The following ARPC1A variants were observed in gnomAD, a reference collection of about 807,000 sequenced individuals.
ARPC1A encodes actin-related protein 2/3 complex subunit 1A.
ARPC1A carries 8 observed loss-of-function variants against 46.9 expected under a neutral mutation model. The observed-to-expected ratio is 0.17, with a 90% CI of 0.10 to 0.31. ARPC1A has a LOEUF of 0.31. Among genes scored for constraint, ARPC1A ranks in the 10% least tolerant of loss-of-function variants. The pLI, the probability that ARPC1A is intolerant of heterozygous loss-of-function variation, is 1.00. For missense variants in ARPC1A, 286 were observed against 483.6 expected (o/e 0.59, Z 3.83); for synonymous variants, 152 against 169.0 (o/e 0.90, Z 0.78).
chr7:99,340,440 G>A (rs1793338766), intron 3 of ARPC1A, among the ~76,000 whole-genome samples: 1 of 145,854 alleles, frequency 6.9e-6, no homozygotes. Flanking sequence ...TGAGATTACA[G>A]GTGTGACCCT....
intron 4 of ARPC1A, among the ~76,000 whole-genome samples, chr7:99,348,269 G>A (rs1413560137): frequency 6.6e-6 from 1 of 152,146 alleles, no homozygotes; most frequent in East Asian, 1.9e-4. Flanking sequence ...TATGTAATCC[G>A]AAATCTCACG....
intron 3 of ARPC1A, among the ~76,000 whole-genome samples, chr7:99,341,753 T>C (rs1467667802): frequency 1.3e-5 from 2 of 152,134 alleles, no homozygotes; most frequent in Non-Finnish European, 2.9e-5. Flanking sequence ...TCTACTTCTC[T>C]TTTGGGGTCC....
intron 1 of ARPC1A, among the ~76,000 whole-genome samples, chr7:99,329,280 G>A (rs1218576233): frequency 2.0e-5 from 3 of 149,854 alleles, no homozygotes; most frequent in Non-Finnish European, 4.4e-5. Context: ...CAGCCTGGGC[G>A]ACAGAGCGAG....
At chr7:99,350,631 CTTTTTTTTTT>C (rs540737612) in intron 5 of ARPC1A, among the ~76,000 whole-genome samples, 8 of 67,536 alleles carry the variant, frequency 1.2e-4, no homozygotes, top group African/African-American at 3.5e-4. Flanking sequence ...ATGAGGTGCA[CTTTTTTTTTT>C]TTTTTTTTTT....
chr7:99,350,527 G>C (rs1460384725), intron 5 of ARPC1A, among the ~76,000 whole-genome samples: 1 of 147,416 alleles, frequency 6.8e-6, no homozygotes, highest in African/African-American at 2.5e-5. Context: ...TTTTAAAGTT[G>C]TTCTTTCTCA....
chr7:99,365,588 TGG>T (rs1793822969), intron 9 of ARPC1A, among the ~76,000 whole-genome samples: 1 of 149,736 alleles, frequency 6.7e-6, no homozygotes, highest in Non-Finnish European at 1.5e-5. Flanking sequence ...CACTCCAGCC[TGG>T]GGCAACAGAG....
chr7:99,359,585 G>A lies in ARPC1A; in HGVS notation c.830G>A (p.Arg277His), dbSNP rs200959894. The change falls in exon 8 of 10, where the codon CGC (arginine) becomes CAC (histidine). Residue 277 changes from arginine (R) to histidine (H), a missense_variant. Transcript: ENST00000262942. ...CCPMLFNYDD[R>H]GCLTFVSKLD... ...CCAATGCTCTTTAACTACGATGACC[G>A]CGGCTGCCTGACCTTCGTCTCCAAG... The A allele has an allele frequency of 3.0e-5, 49 of 1,614,140 alleles. No homozygotes were observed. The Middle Eastern group carries it at 5.0e-4, about 16-fold the overall frequency.
chr7:99,362,336 C>CTTTT (rs771655890), intron 8 of ARPC1A, among the ~76,000 whole-genome samples: 1 of 129,612 alleles, frequency 7.7e-6, no homozygotes, highest in Non-Finnish European at 1.6e-5. Flanking sequence ...CCCCGCCCCC[C>CTTTT]TTTTTTTTTT....
intron 5 of ARPC1A, among the ~76,000 whole-genome samples, chr7:99,349,550 C>CA (rs1793514580): frequency 6.6e-6 from 1 of 150,990 alleles, no homozygotes; most frequent in South Asian, 2.1e-4. Flanking sequence ...ACTAAAAATA[C>CA]AAAAGAGGCC....
chr7:99,354,506 G>A lies in ARPC1A; in HGVS notation c.713+385G>A, dbSNP rs997708927. ...ACTGTACTCCAGCCTGGGCGACAGA[G>A]TAAGACTCCGTCTCAAAAAAAAAAA... On this transcript the variant is annotated intron_variant, in intron 6 of 9. Coordinates refer to ENST00000262942, the MANE Select transcript of ARPC1A (RefSeq NM_006409.4). Among the ~76,000 whole-genome samples the A allele has an allele frequency of 3.2e-5, 4 of 125,992 alleles. No individual in the cohort carries two copies. In the Admixed American group the frequency reaches 3.5e-4, roughly 11 times the overall value. The allele number at this position is 125,992 out of a possible 152,430, so 82.7% of individuals were successfully genotyped here. A position where few individuals can be genotyped will look rare whatever the true frequency, so the allele number is the denominator to read the frequency against.
At position 99,353,999 on chromosome 7, in the gene ARPC1A, G is replaced by A; in HGVS notation, c.591G>A (p.Glu197=). The change falls in exon 6 of 10, where the codon GAG becomes GAA. Residue 197 remains glutamate, a synonymous_variant. Transcript: ENST00000262942. ...TGCCTTTTGGGCAGCTGATGTCAGA[G>A]TTTGGTGGCAGTGGCACTGGTGGCT... ...SKMPFGQLMS[E]FGGSGTGGWV... is the part of the protein sequence containing the mutation. 6.2e-7 allele frequency: 1 copy of A among 1,614,048 alleles called. No individual in the cohort carries two copies. Among genetic ancestry groups the A allele is most frequent in the Non-Finnish European group, 8.5e-7 (1 of 1,179,898 alleles).
At chr7:99,327,767 G>A (rs1793072502) in intron 1 of ARPC1A, among the ~76,000 whole-genome samples, 1 of 152,150 alleles carries the variant, frequency 6.6e-6, no homozygotes, top group South Asian at 2.1e-4. Flanking sequence ...ATCCAATGCT[G>A]AAACAAATCC....
Position 99,346,745 on chromosome 7 carries a change from C to T in ARPC1A, c.393-2107C>T, listed in dbSNP as rs186833825. 9.9e-5 allele frequency among the ~76,000 whole-genome samples: 15 copies of T among 152,246 alleles called. No homozygotes were observed. The East Asian group carries it at 2.9e-3, about 29-fold the overall frequency. Reference sequence around the variant, plus strand: ...CTGCAATCCCAGCACTTTGCGAGGCCAAGGCAGGCGGATCACGAAGTCAAG... The same window carrying T: ...CTGCAATCCCAGCACTTTGCGAGGCTAAGGCAGGCGGATCACGAAGTCAAG... On this transcript the variant is annotated intron_variant, in intron 4 of 9. Coordinates refer to ENST00000262942, the MANE Select transcript of ARPC1A (RefSeq NM_006409.4).
chr7:99,350,632 T>C (rs944046469), intron 5 of ARPC1A, among the ~76,000 whole-genome samples: 142 of 63,472 alleles, frequency 2.2e-3, no homozygotes, highest in Middle Eastern at 6.2e-3. Flanking sequence ...TGAGGTGCAC[T>C]TTTTTTTTTT....
At chr7:99,348,992 C>A (rs201871541) in intron 5 of ARPC1A, 33 bp downstream of exon 5, 2 of 1,542,160 alleles carry the variant, frequency 1.3e-6, no homozygotes, top group Admixed American at 1.8e-5. Context: ...AAACTTGAGC[C>A]GTGCATTCTT....
chr7:99,341,655 G>A (rs1793359172), intron 3 of ARPC1A, among the ~76,000 whole-genome samples: 1 of 150,938 alleles, frequency 6.6e-6, no homozygotes, highest in Non-Finnish European at 1.5e-5. Context: ...GAATTTAAAA[G>A]GAAATACTTT....
intron 1 of ARPC1A, among the ~76,000 whole-genome samples, chr7:99,327,091 T>C (rs551657259): frequency 6.6e-6 from 1 of 152,264 alleles, no homozygotes; most frequent in South Asian, 2.1e-4. Flanking sequence ...TGGTTTCACA[T>C]AGGGCCTGGG....
chr7:99,337,766 G>C (rs140185400), intron 2 of ARPC1A, among the ~76,000 whole-genome samples: 1 of 152,090 alleles, frequency 6.6e-6, no homozygotes, highest in African/African-American at 2.4e-5. Flanking sequence ...AGTAATGGAA[G>C]TCCATAACCT....
intron 6 of ARPC1A, among the ~76,000 whole-genome samples, chr7:99,354,520 CAA>C (rs149604532): frequency 5.7e-4 from 32 of 55,816 alleles, no homozygotes; most frequent in African/African-American, 1.1e-3. Flanking sequence ...GACTCCGTCT[CAA>C]AAAAAAAAAA....
Sources: gnomAD v4.1 joint callset for allele counts (sites outside exome capture counted in the v4.1 genomes callset) on GRCh38, gnomAD v4.1.1 for gene constraint, MANE v1.5 for transcripts, NCBI Gene and HGNC (gene_info 2026-07-23, HGNC 2026-07-21) for gene names.